Variants in SORCS2 observed in about 807,000 individuals in gnomAD.
SORCS2 encodes sortilin related VPS10 domain containing receptor 2, also known as VPS10 domain-containing receptor SorCS2.
In SORCS2, 100 loss-of-function variants were observed where a neutral mutation model predicts 141.6. The observed-to-expected ratio is 0.71, with a 90% CI of 0.60 to 0.83. The LOEUF is 0.83. Among genes scored for constraint, SORCS2 ranks in the 40% least tolerant of loss-of-function variants. The pLI, the probability that SORCS2 is intolerant of heterozygous loss-of-function variation, is 0.00. For synonymous variants in SORCS2, 789 were observed against 676.9 expected (o/e 1.17, Z -2.57); for missense variants, 1,646 against 1,560.2 (o/e 1.05, Z -0.93).
intron 1 of SORCS2, among the ~76,000 whole-genome samples, chr4:7,350,746 T>G (rs1720890082): frequency 6.6e-6 from 1 of 152,228 alleles, no homozygotes; most frequent in South Asian, 2.1e-4. Context: ...TAACATGCTG[T>G]TGGTCACACT....
intron 2 of SORCS2, among the ~76,000 whole-genome samples, chr4:7,500,788 C>T (rs994594402): frequency 2.0e-5 from 3 of 152,298 alleles, no homozygotes; most frequent in African/African-American, 2.4e-5. Flanking sequence ...AGGGCGGTAA[C>T]GAGTGGGAGC....
At chr4:7,486,798 T>C (rs28718071) in intron 2 of SORCS2, among the ~76,000 whole-genome samples, 16,373 of 152,188 alleles carry the variant, frequency 0.11, 1,145 homozygotes, top group African/African-American at 0.2. Flanking sequence ...TCCTGGATCA[T>C]CTCGTCTGTC....
chr4:7,679,892 G>A (rs1352041854), intron 9 of SORCS2, among the ~76,000 whole-genome samples: 1 of 152,122 alleles, frequency 6.6e-6, no homozygotes, highest in Non-Finnish European at 1.5e-5. Context: ...ATCTGGATCC[G>A]TGTTATTTAT....
intron 1 of SORCS2, among the ~76,000 whole-genome samples, chr4:7,305,388 C>G (rs1275571285): frequency 6.9e-6 from 1 of 145,776 alleles, no homozygotes; most frequent in African/African-American, 2.5e-5. Flanking sequence ...TCTTGGAACA[C>G]TATTTCTATG....
chr4:7,412,909 C>A (rs1413211814), intron 2 of SORCS2, among the ~76,000 whole-genome samples: 2 of 152,126 alleles, frequency 1.3e-5, no homozygotes, highest in African/African-American at 4.8e-5. Flanking sequence ...CTCCTTGTCT[C>A]TAGGGTCTGG....
Position 7,723,786 on chromosome 4 carries a change from C to T in SORCS2, c.2514C>T (p.Ile838=). The T allele has an allele frequency of 6.2e-7, 1 of 1,613,926 alleles. No homozygotes were observed. The highest frequency in any genetic ancestry group is 2.2e-5 in the East Asian group (1 of 44,888). The change falls in exon 19 of 27, where the codon ATC becomes ATT. Residue 838 remains isoleucine, a synonymous_variant. Coordinates refer to ENST00000507866, the MANE Select transcript of SORCS2 (RefSeq NM_020777.3). ...YVNLTLTGEP[I]RHRYESPGIY... is the part of the protein sequence containing the mutation. ...ACCTTACACTGACCGGGGAGCCCAT[C>T]CGGCACCGCTACGAGAGCCCCGGCA... is the stretch of plus-strand genomic sequence containing the variant.
Position 7,581,570 on chromosome 4 carries a change from G to A in SORCS2, c.648+49941G>A, listed in dbSNP as rs143383967. ...CCGTTGTGAGTATGGTGGCAGGGGCGGGGGTACCTAACTGTAGCTAGGCCT... is the reference window on the plus strand; with the variant it reads ...CCGTTGTGAGTATGGTGGCAGGGGCAGGGGTACCTAACTGTAGCTAGGCCT... On this transcript the variant is annotated intron_variant, in intron 3 of 26. Coordinates refer to ENST00000507866, the MANE Select transcript of SORCS2 (RefSeq NM_020777.3). Among the ~76,000 whole-genome samples the A allele has an allele frequency of 1.1e-4, 17 of 152,300 alleles. No individual in the cohort carries two copies. In the East Asian group the frequency reaches 1.2e-3, roughly 10 times the overall value.
intron 1 of SORCS2, among the ~76,000 whole-genome samples, chr4:7,372,393 G>C (rs527326323): frequency 3.7e-4 from 57 of 152,186 alleles, no homozygotes; most frequent in African/African-American, 7.0e-4. Context: ...TGCAACCTCC[G>C]TCCCCTGGGT....
At chr4:7,600,538 G>C (rs1448784398) in intron 3 of SORCS2, among the ~76,000 whole-genome samples, 1 of 152,126 alleles carries the variant, frequency 6.6e-6, no homozygotes, top group Admixed American at 6.6e-5. Context: ...GGCAGGGGAG[G>C]CAGAGGCCTG....
intron 1 of SORCS2, among the ~76,000 whole-genome samples, chr4:7,227,446 C>T (rs1729055496): frequency 6.6e-6 from 1 of 152,208 alleles, no homozygotes; most frequent in Non-Finnish European, 1.5e-5. Flanking sequence ...GCAGACGTAG[C>T]CCTCATCACG....
chr4:7,226,003 G>C (rs1009614058), intron 1 of SORCS2, among the ~76,000 whole-genome samples: 3 of 152,190 alleles, frequency 2.0e-5, no homozygotes, highest in African/African-American at 7.2e-5. Flanking sequence ...CTCTCACTGA[G>C]AGCAATGTCA....
intron 3 of SORCS2, among the ~76,000 whole-genome samples, chr4:7,585,900 G>T (rs1013990377): frequency 6.6e-6 from 1 of 152,212 alleles, no homozygotes; most frequent in Non-Finnish European, 1.5e-5. Context: ...TGAAGGGGTT[G>T]CTCTATTTGC....
chr4:7,447,277 C>A (rs372154645), intron 2 of SORCS2, among the ~76,000 whole-genome samples: 6 of 152,126 alleles, frequency 3.9e-5, no homozygotes, highest in East Asian at 1.9e-4. Context: ...ATCATGTCAT[C>A]CTGAGCATCC....
Position 7,740,258 on chromosome 4 carries a change from G to A in SORCS2, c.3474G>A (p.Val1158=). 1.9e-6 allele frequency: 3 copies of A among 1,609,548 alleles called. No individual in the cohort carries two copies. Among genetic ancestry groups the A allele is most frequent in the Non-Finnish European group, 2.5e-6 (3 of 1,179,420 alleles). ...INSREMHSYL[V]S ...CCCGAGAGATGCACAGCTACCTGGTGAGCTGATGCCACCCCAGCATCTGTC... is the reference window on the plus strand; with the variant it reads ...CCCGAGAGATGCACAGCTACCTGGTAAGCTGATGCCACCCCAGCATCTGTC... The change falls in exon 27 of 27, where the codon GTG becomes GTA. Residue 1158 remains valine, a synonymous_variant. Transcript: ENST00000507866.
intron 3 of SORCS2, among the ~76,000 whole-genome samples, chr4:7,570,652 T>G (rs982597433): frequency 2.0e-5 from 3 of 151,998 alleles, no homozygotes; most frequent in African/African-American, 7.3e-5. Context: ...AGGGAGGCAT[T>G]GTGACTTGGA....
At chr4:7,248,277 G>A (rs1209882515) in intron 1 of SORCS2, among the ~76,000 whole-genome samples, 2 of 152,154 alleles carry the variant, frequency 1.3e-5, no homozygotes, top group African/African-American at 4.8e-5. Flanking sequence ...GTTGGAGAGT[G>A]CTCTACACAC....
intron 1 of SORCS2, among the ~76,000 whole-genome samples, chr4:7,274,309 G>C (rs923007970): frequency 4.6e-5 from 7 of 152,240 alleles, no homozygotes; most frequent in African/African-American, 1.4e-4. Flanking sequence ...ATCCATCATG[G>C]GTGAGGGAGG....
intron 2 of SORCS2, among the ~76,000 whole-genome samples, chr4:7,525,826 C>CCCT (rs144008367): frequency 0.06 from 6,035 of 100,762 alleles, 522 homozygotes; most frequent in African/African-American, 0.088. Flanking sequence ...GTCACCTGTC[C>CCCT]CCTCAGTCAC....
intron 18 of SORCS2, among the ~76,000 whole-genome samples, chr4:7,721,540 C>G (rs143033187): frequency 1.6e-4 from 24 of 152,330 alleles, no homozygotes; most frequent in African/African-American, 5.5e-4. Context: ...AAAAAAGCCA[C>G]TCCCACATGA....
Sources: gnomAD v4.1 joint callset for allele counts (sites outside exome capture counted in the v4.1 genomes callset) on GRCh38, gnomAD v4.1.1 for gene constraint, MANE v1.5 for transcripts, NCBI Gene and HGNC (gene_info 2026-07-23, HGNC 2026-07-21) for gene names.